The following PDLIM5 variants were observed in gnomAD, a reference collection of about 807,000 sequenced individuals.
The protein encoded by PDLIM5 is PDZ and LIM domain 5, also known as PDZ and LIM domain protein 5.
PDLIM5 carries 34 observed loss-of-function variants against 64.2 expected under a neutral mutation model. That is an observed-to-expected ratio of 0.53 (90% CI 0.40 to 0.71). The LOEUF is 0.71. PDLIM5 is among the 30% of genes least tolerant of loss of function. The pLI is 0.00. For missense variants in PDLIM5, 683 were observed against 733.6 expected (o/e 0.93, Z 0.80); for synonymous variants, 253 against 269.1 (o/e 0.94, Z 0.59).
chr4:94,610,971 C>G (rs1030114959), intron 7 of PDLIM5: 4 of 858,248 alleles, frequency 4.7e-6, no homozygotes, highest in Non-Finnish European at 7.2e-6. Flanking sequence ...CACCCTCTCT[C>G]TCGTAAAGGA....
At chr4:94,633,975 T>C (rs1473068689) in intron 8 of PDLIM5, among the ~76,000 whole-genome samples, 1 of 151,954 alleles carries the variant, frequency 6.6e-6, no homozygotes, top group Non-Finnish European at 1.5e-5. Context: ...AGGGCCTGAA[T>C]CAGAAGCACG....
intron 2 of PDLIM5, among the ~76,000 whole-genome samples, chr4:94,457,883 T>C (rs1723520516): frequency 6.6e-6 from 1 of 152,226 alleles, no homozygotes; most frequent in South Asian, 2.1e-4. Context: ...ACAAAGCTGC[T>C]GAGTTATTTC....
intron 2 of PDLIM5, among the ~76,000 whole-genome samples, chr4:94,480,670 C>T (rs1350968728): frequency 3.3e-5 from 5 of 152,106 alleles, no homozygotes; most frequent in Non-Finnish European, 7.4e-5. Context: ...AAGGCTTTCC[C>T]CCTCCTTCTA....
chr4:94,455,777 T>C (rs933001024), intron 2 of PDLIM5: 4 of 1,519,208 alleles, frequency 2.6e-6, no homozygotes, highest in Non-Finnish European at 3.5e-6. Flanking sequence ...AAACTGTTGA[T>C]CAAAATTGAA....
chr4:94,588,040 T>C, intron 7 of PDLIM5: 2 of 910,000 alleles, frequency 2.2e-6, no homozygotes, highest in Non-Finnish European at 2.6e-6. Flanking sequence ...TGCCTTGTAA[T>C]ATAGTGTATT....
intron 2 of PDLIM5, among the ~76,000 whole-genome samples, chr4:94,487,403 T>A (rs963072147): frequency 1.3e-5 from 2 of 152,182 alleles, no homozygotes; most frequent in African/African-American, 4.8e-5. Context: ...TCATCAAGAA[T>A]CAAATGATTC....
At chr4:94,568,568 G>A (rs948409199) in intron 3 of PDLIM5, among the ~76,000 whole-genome samples, 3 of 151,822 alleles carry the variant, frequency 2.0e-5, no homozygotes, top group Non-Finnish European at 4.4e-5. Flanking sequence ...TTAGAAAAAT[G>A]GATTTTTTTT....
chr4:94,644,011 T>C (rs1300192500), intron 9 of PDLIM5, among the ~76,000 whole-genome samples: 1 of 152,220 alleles, frequency 6.6e-6, no homozygotes, highest in African/African-American at 2.4e-5. Flanking sequence ...CTAAAGACAT[T>C]GACCAAGACT....
At chr4:94,561,523 AGAT>A (rs1733845716) in intron 3 of PDLIM5, among the ~76,000 whole-genome samples, 1 of 152,198 alleles carries the variant, frequency 6.6e-6, no homozygotes, top group Non-Finnish European at 1.5e-5. Context: ...AGTTTTTTAA[AGAT>A]CACAGCATGG....
At position 94,503,015 on chromosome 4, in the gene PDLIM5, T is replaced by C. The variant is rs187412066; in HGVS notation, c.97-20709T>C. 4.0e-3 allele frequency among the ~76,000 whole-genome samples: 611 copies of C among 152,350 alleles called. 4 individuals carry two copies. The highest frequency in any genetic ancestry group is 0.014 in the African/African-American group (581 of 41,570). On this transcript the variant is annotated intron_variant, in intron 2 of 12. Coordinates refer to ENST00000317968, the MANE Select transcript of PDLIM5 (RefSeq NM_006457.5). ...TGCAGGGCGAGCTTTGGTAAGGTTT[T>C]TTCCTTTCTAGTTTGTTATTTTGAA...
chr4:94,461,076 T>TATCTTTTTCCCCCAGTTAC (rs1723836561), intron 2 of PDLIM5, among the ~76,000 whole-genome samples: 1 of 152,230 alleles, frequency 6.6e-6, no homozygotes, highest in Non-Finnish European at 1.5e-5. Context: ...GGACCAGTTA[T>TATCTTTTTCCCCCAGTTAC]ATCTTTTTCC....
chr4:94,629,857 A>G (rs1740002139), intron 8 of PDLIM5, among the ~76,000 whole-genome samples: 1 of 152,150 alleles, frequency 6.6e-6, no homozygotes, highest in Non-Finnish European at 1.5e-5. Context: ...TCCAGAATGT[A>G]CTTTCCTCTG....
intron 2 of PDLIM5, among the ~76,000 whole-genome samples, chr4:94,516,743 G>A (rs1729394656): frequency 6.6e-6 from 1 of 151,936 alleles, no homozygotes; most frequent in African/African-American, 2.4e-5. Flanking sequence ...TGCTGCCCAG[G>A]CTGGTCTCAA....
intron 2 of PDLIM5, among the ~76,000 whole-genome samples, chr4:94,479,675 GAAACT>G (rs1725684445): frequency 6.6e-6 from 1 of 152,056 alleles, no homozygotes; most frequent in Non-Finnish European, 1.5e-5. Flanking sequence ...ACCATGATGA[GAAACT>G]AAACCATTCT....
At chr4:94,452,502 T>TC (rs1422373577) in intron 1 of PDLIM5, among the ~76,000 whole-genome samples, 1 of 152,232 alleles carries the variant, frequency 6.6e-6, no homozygotes. Context: ...AGCATTTATT[T>TC]CTCCCCCAGA....
At chr4:94,458,005 A>C (rs1189646509) in intron 2 of PDLIM5, among the ~76,000 whole-genome samples, 1 of 152,124 alleles carries the variant, frequency 6.6e-6, no homozygotes, top group Non-Finnish European at 1.5e-5. Flanking sequence ...GGAAGGAGAG[A>C]AGGGAATGTT....
At chr4:94,523,695 A>G (rs775314187) in intron 2 of PDLIM5, 29 bp from the exon 3 acceptor site, 26 of 1,576,110 alleles carry the variant, frequency 1.6e-5, no homozygotes, top group South Asian at 6.8e-5. Context: ...TCAAAGAGTG[A>G]CACTCCTAAT....
At chr4:94,473,544 G>A (rs1383338706) in intron 2 of PDLIM5, among the ~76,000 whole-genome samples, 1 of 152,236 alleles carries the variant, frequency 6.6e-6, no homozygotes, top group Non-Finnish European at 1.5e-5. Flanking sequence ...ACAGGCATGA[G>A]CCACCGCGCC....
At chr4:94,565,914 CAT>C (rs1177006298) in intron 3 of PDLIM5, among the ~76,000 whole-genome samples, 2 of 152,218 alleles carry the variant, frequency 1.3e-5, no homozygotes. Flanking sequence ...ATTGAATACA[CAT>C]AGACATATAT....
Sources: allele counts gnomAD v4.1 joint callset (sites outside exome capture counted in the v4.1 genomes callset), GRCh38; gene constraint gnomAD v4.1.1; transcripts MANE v1.5; gene names NCBI Gene and HGNC (gene_info 2026-07-23, HGNC 2026-07-21).